GRIK4: variants seen among roughly 807,000 people sequenced by gnomAD.
GRIK4 encodes glutamate ionotropic receptor kainate type subunit 4.
In GRIK4, 40 loss-of-function variants were observed where a neutral mutation model predicts 104.9. That is an observed-to-expected ratio of 0.38 (90% CI 0.30 to 0.50). GRIK4 has a LOEUF of 0.50. Ranked by LOEUF, GRIK4 falls within the 20% of genes least tolerant of loss-of-function variation. The pLI, the probability that GRIK4 is intolerant of heterozygous loss-of-function variation, is 0.93. For missense variants in GRIK4, 1,047 were observed against 1,308.1 expected, an observed-to-expected ratio of 0.80 and a Z score of 3.08; for synonymous variants, 485 against 524.9, an observed-to-expected ratio of 0.92 and a Z score of 1.04.
chr11:120,574,362 A>G (rs962495186), intron 1 of GRIK4, among the ~76,000 whole-genome samples: 1 of 152,180 alleles, frequency 6.6e-6, no homozygotes, highest in African/African-American at 2.4e-5. Flanking sequence ...AATAGCAAAC[A>G]AGTCACAGTA....
chr11:120,970,022 G>T (rs983082640), intron 19 of GRIK4, among the ~76,000 whole-genome samples: 1 of 152,072 alleles, frequency 6.6e-6, no homozygotes, highest in African/African-American at 2.4e-5. Flanking sequence ...TGCTTCTGTG[G>T]TCCTAGCCTC....
chr11:120,583,275 A>C (rs1311919194), intron 1 of GRIK4, among the ~76,000 whole-genome samples: 2 of 152,132 alleles, frequency 1.3e-5, no homozygotes, highest in African/African-American at 4.8e-5. Flanking sequence ...ATAGTTTGCA[A>C]ATATTTTCTT....
intron 1 of GRIK4, among the ~76,000 whole-genome samples, chr11:120,541,413 A>G (rs967025203): frequency 5.9e-5 from 9 of 152,190 alleles, no homozygotes; most frequent in Non-Finnish European, 1.5e-5. Context: ...CCTTTTGAGT[A>G]AGTCTTCAAT....
intron 1 of GRIK4, among the ~76,000 whole-genome samples, chr11:120,608,120 C>T (rs1461595434): frequency 6.6e-6 from 1 of 152,124 alleles, no homozygotes; most frequent in Non-Finnish European, 1.5e-5. Flanking sequence ...GTGTCAAGGT[C>T]AAAGTGGCAT....
intron 1 of GRIK4, among the ~76,000 whole-genome samples, chr11:120,604,132 A>G (rs1272846821): frequency 7.2e-6 from 1 of 139,006 alleles, no homozygotes; most frequent in African/African-American, 2.7e-5. Flanking sequence ...AGATCGCGCC[A>G]CTGCACTCCA....
chr11:120,602,571 T>C (rs773973196), intron 1 of GRIK4, among the ~76,000 whole-genome samples: 2 of 152,180 alleles, frequency 1.3e-5, no homozygotes, highest in Non-Finnish European at 2.9e-5. Flanking sequence ...AAGAGCATGC[T>C]CCAGTGTTGA....
intron 3 of GRIK4, among the ~76,000 whole-genome samples, chr11:120,664,845 G>A (rs1415649324): frequency 6.6e-6 from 1 of 152,160 alleles, no homozygotes; most frequent in Non-Finnish European, 1.5e-5. Flanking sequence ...GGGCTCAGTC[G>A]AGGTGGCAAG....
intron 3 of GRIK4, among the ~76,000 whole-genome samples, chr11:120,757,644 G>T (rs1485327715): frequency 6.6e-6 from 1 of 151,982 alleles, no homozygotes; most frequent in Non-Finnish European, 1.5e-5. Flanking sequence ...TATTTTTTTG[G>T]ATTTCAAAAT....
chr11:120,925,317 C>T (rs1165290809), intron 13 of GRIK4, among the ~76,000 whole-genome samples: 3 of 152,160 alleles, frequency 2.0e-5, no homozygotes, highest in African/African-American at 7.2e-5. Flanking sequence ...GCTGGTGGCA[C>T]TGTCGGGCTC....
intron 11 of GRIK4, among the ~76,000 whole-genome samples, chr11:120,876,790 A>G (rs1407897602): frequency 6.6e-6 from 1 of 152,192 alleles, no homozygotes; most frequent in Admixed American, 6.5e-5. Context: ...AAATGCAATA[A>G]AAACACAGAT....
At chr11:120,666,281 C>T (rs1471913547) in intron 3 of GRIK4, among the ~76,000 whole-genome samples, 1 of 152,176 alleles carries the variant, frequency 6.6e-6, no homozygotes, top group African/African-American at 2.4e-5. Context: ...CCCAAGCTTG[C>T]ATAGAGGTGA....
intron 3 of GRIK4, among the ~76,000 whole-genome samples, chr11:120,742,531 T>A (rs1442694465): frequency 2.6e-5 from 4 of 151,060 alleles, no homozygotes; most frequent in Non-Finnish European, 4.4e-5. Flanking sequence ...TTATTATTTT[T>A]TTTTGAGATG....
chr11:120,751,123 C>T (rs1209696000), intron 3 of GRIK4, among the ~76,000 whole-genome samples: 1 of 152,072 alleles, frequency 6.6e-6, no homozygotes, highest in African/African-American at 2.4e-5. Context: ...ATTCTTTTCA[C>T]CTTGGCATGG....
At chr11:120,921,759 A>G (rs756466783) in intron 13 of GRIK4, among the ~76,000 whole-genome samples, 1 of 152,126 alleles carries the variant, frequency 6.6e-6, no homozygotes, top group Non-Finnish European at 1.5e-5. Context: ...GGGGAGGTCC[A>G]GGGGGAGTTG....
At chr11:120,561,990 G>A (rs1218273230) in intron 1 of GRIK4, among the ~76,000 whole-genome samples, 2 of 152,200 alleles carry the variant, frequency 1.3e-5, no homozygotes, top group African/African-American at 4.8e-5. Flanking sequence ...AGGATGTCGT[G>A]TTCTTCCTCT....
At chr11:120,804,598 CTT>C (rs1251285750) in intron 4 of GRIK4, among the ~76,000 whole-genome samples, 1 of 152,198 alleles carries the variant, frequency 6.6e-6, no homozygotes, top group Admixed American at 6.5e-5. Context: ...CATTCAGAAA[CTT>C]TTATTGAGCA....
chr11:120,512,611 A>G (rs1947676844), intron 1 of GRIK4, among the ~76,000 whole-genome samples: 1 of 149,288 alleles, frequency 6.7e-6, no homozygotes, highest in African/African-American at 2.4e-5. Context: ...GAGAAACTCT[A>G]GAGACCTGCA....
chr11:120,691,038 A>G (rs1398757377), intron 3 of GRIK4, among the ~76,000 whole-genome samples: 4 of 152,178 alleles, frequency 2.6e-5, no homozygotes, highest in African/African-American at 9.7e-5. Flanking sequence ...TCTTTTTAGA[A>G]CAAGAAAGCC....
At chr11:120,885,478 T>G (rs1955091620) in intron 11 of GRIK4, among the ~76,000 whole-genome samples, 1 of 152,034 alleles carries the variant, frequency 6.6e-6, no homozygotes. Flanking sequence ...CTGCACTTCC[T>G]GGGTTCAAGC....
Sources: gnomAD v4.1 joint callset for allele counts (sites outside exome capture counted in the v4.1 genomes callset) on GRCh38, gnomAD v4.1.1 for gene constraint, MANE v1.5 for transcripts, NCBI Gene and HGNC (gene_info 2026-07-23, HGNC 2026-07-21) for gene names.